Variants in TSHZ2 observed in about 807,000 individuals in gnomAD.
TSHZ2 encodes the protein teashirt zinc finger homeobox 2.
A neutral mutation model predicts 74.4 loss-of-function variants in TSHZ2; 21 were observed. That is an observed-to-expected ratio of 0.28 (90% CI 0.20 to 0.41). TSHZ2 has a LOEUF of 0.41. Among genes scored for constraint, TSHZ2 ranks in the 10% least tolerant of loss-of-function variants. The pLI is 1.00. For missense variants in TSHZ2, 1,244 were observed against 1,293.5 expected (o/e 0.96, Z 0.59); for synonymous variants, 540 against 515.3 (o/e 1.05, Z -0.65).
chr20:53,168,897 ACTTCTGCTATCATC>A (rs1449420175), intron 1 of TSHZ2: 1 of 152,200 alleles, frequency 6.6e-6, no homozygotes, highest in Non-Finnish European at 1.5e-5. Context: ...AGGTGGCATC[ACTTCTGCTATCATC>A]CTAGATATCG....
chr20:53,441,198 T>TC (rs1282459440), intron 2 of TSHZ2, among the ~76,000 whole-genome samples: 2 of 150,958 alleles, frequency 1.3e-5, no homozygotes, highest in African/African-American at 4.9e-5. Context: ...TCCTTTTTTT[T>TC]CCATTATAAC....
chr20:53,137,433 G>T (rs1428378955), intron 1 of TSHZ2, among the ~76,000 whole-genome samples: 1 of 151,488 alleles, frequency 6.6e-6, no homozygotes, highest in Non-Finnish European at 1.5e-5. Context: ...AAGAGCTCAA[G>T]ATTCCAGCGT....
At chr20:53,141,239 C>T (rs567818977) in intron 1 of TSHZ2, among the ~76,000 whole-genome samples, 46 of 152,320 alleles carry the variant, frequency 3.0e-4, no homozygotes, top group African/African-American at 1.0e-3. Flanking sequence ...CACCCCAGGC[C>T]AGCAGCCAGC....
intron 2 of TSHZ2, among the ~76,000 whole-genome samples, chr20:53,469,862 A>C (rs1216094081): frequency 1.4e-5 from 2 of 141,754 alleles, no homozygotes; most frequent in Non-Finnish European, 3.1e-5. Context: ...GGAAGGAAGG[A>C]AGGACCCAAG....
In TSHZ2 at chr20:53,410,620, T is replaced by TATTATTA. The variant is rs1443416233; in HGVS notation, c.*9-76523_*9-76517dup. ...TTATTATTATTATTATTATTATTAT[T>TATTATTA]ATTATTAGCTGTGTTATATTTATGA... On this transcript the variant is annotated intron_variant, in intron 2 of 2. Transcript: ENST00000371497. 1.1e-3 allele frequency among the ~76,000 whole-genome samples: 156 copies of TATTATTA among 148,460 alleles called. 3 individuals are homozygous for TATTATTA. Among genetic ancestry groups the TATTATTA allele is most frequent in the African/African-American group, 3.6e-3 (146 of 40,718 alleles).
intron 2 of TSHZ2, among the ~76,000 whole-genome samples, chr20:53,447,129 A>G (rs1180415278): frequency 6.6e-6 from 1 of 152,204 alleles, no homozygotes; most frequent in Non-Finnish European, 1.5e-5. Context: ...CTGCTGCATA[A>G]GCATAACCCA....
At chr20:53,402,251 T>C (rs952049206) in intron 2 of TSHZ2, among the ~76,000 whole-genome samples, 2 of 152,238 alleles carry the variant, frequency 1.3e-5, no homozygotes, top group Admixed American at 6.5e-5. Context: ...GATCTACTTT[T>C]AGTTCCTTAA....
At chr20:53,143,022 A>G (rs889629982) in intron 1 of TSHZ2, among the ~76,000 whole-genome samples, 1 of 152,152 alleles carries the variant, frequency 6.6e-6, no homozygotes, top group Non-Finnish European at 1.5e-5. Flanking sequence ...CTGCTTTGCA[A>G]CACTTAAGAC....
At chr20:53,036,377 A>G (rs955149759) in intron 1 of TSHZ2, among the ~76,000 whole-genome samples, 50 of 152,116 alleles carry the variant, frequency 3.3e-4, no homozygotes, top group African/African-American at 1.1e-3. Flanking sequence ...TATTCATATT[A>G]TAACAGGAAA....
intron 2 of TSHZ2, among the ~76,000 whole-genome samples, chr20:53,318,416 CT>C (rs1306259423): frequency 2.0e-5 from 3 of 152,196 alleles, no homozygotes; most frequent in East Asian, 1.9e-4. Context: ...ATCCTGCTGC[CT>C]TTTGCATGAT....
intron 1 of TSHZ2, among the ~76,000 whole-genome samples, chr20:52,994,594 T>G (rs1337892876): frequency 6.6e-6 from 1 of 152,214 alleles, no homozygotes; most frequent in African/African-American, 2.4e-5. Context: ...GGCCCTGACA[T>G]TTTCATTAGC....
chr20:53,304,206 C>T (rs1218392658), intron 2 of TSHZ2, among the ~76,000 whole-genome samples: 4 of 118,672 alleles, frequency 3.4e-5, no homozygotes, highest in Non-Finnish European at 6.5e-5. Flanking sequence ...CACCCCACAA[C>T]AGTCCCCAGA....
chr20:53,167,428 AGGAAGCAGGGAAGTCAGGCTTCAAAC>A, intron 1 of TSHZ2, among the ~76,000 whole-genome samples: 1 of 152,242 alleles, frequency 6.6e-6, no homozygotes, highest in African/African-American at 2.4e-5. Context: ...AATCACAGGT[AGGAAGCAGGGAAGTCAGGCTTCAAAC>A]CTATGTTTGA....
intron 1 of TSHZ2, among the ~76,000 whole-genome samples, chr20:53,102,485 GGAGGGGAGAGGAAGGAAGAA>G (rs1204370978): frequency 2.0e-5 from 3 of 146,458 alleles, no homozygotes; most frequent in Non-Finnish European, 4.4e-5. Context: ...AGAGGGGAGA[GGAGGGGAGAGGAAGGAAGAA>G]GAGGGGAGGG....
At chr20:53,311,847 G>A (rs112339558) in intron 2 of TSHZ2, among the ~76,000 whole-genome samples, 1,766 of 152,244 alleles carry the variant, frequency 0.012, 35 homozygotes, top group African/African-American at 0.035. Context: ...TTTGGGAGGC[G>A]GAGGTGGGAT....
intron 1 of TSHZ2, among the ~76,000 whole-genome samples, chr20:53,228,103 AACACACACACACACAC>A (rs10561638): frequency 1.7e-4 from 23 of 134,472 alleles, no homozygotes; most frequent in African/African-American, 2.3e-4. Flanking sequence ...TGGCCCCCAA[AACACACACACACACAC>A]ACACACACAC....
At chr20:53,299,502 CTTATT>C (rs1287221264) in intron 2 of TSHZ2, among the ~76,000 whole-genome samples, 1 of 152,186 alleles carries the variant, frequency 6.6e-6, no homozygotes. Context: ...GCTCTCTTTA[CTTATT>C]TTGTCATTAA....
At chr20:53,050,130 T>TATAC (rs58169596) in intron 1 of TSHZ2, among the ~76,000 whole-genome samples, 8,278 of 86,798 alleles carry the variant, frequency 0.095, 518 homozygotes, top group African/African-American at 0.28. Context: ...TATATACACA[T>TATAC]ATATATATGT....
At chr20:53,314,962 A>C (rs1194621121) in intron 2 of TSHZ2, among the ~76,000 whole-genome samples, 1 of 152,182 alleles carries the variant, frequency 6.6e-6, no homozygotes, top group African/African-American at 2.4e-5. Flanking sequence ...GGCTTCCCCA[A>C]GGGAAAGCAA....
Sources: gnomAD v4.1 joint callset for allele counts (sites outside exome capture counted in the v4.1 genomes callset) on GRCh38, gnomAD v4.1.1 for gene constraint, MANE v1.5 for transcripts, NCBI Gene and HGNC (gene_info 2026-07-23, HGNC 2026-07-21) for gene names.